Variants in FTO observed in about 807,000 individuals in gnomAD.
FTO encodes alpha-ketoglutarate-dependent dioxygenase FTO.
Under a neutral mutation model 63.9 loss-of-function variants are expected in FTO, and 47 were observed. That is an observed-to-expected ratio of 0.74 (90% confidence interval 0.58 to 0.94). The LOEUF (loss-of-function observed/expected upper bound fraction) is 0.94, where lower values mean the gene tolerates loss of function less well. Among genes scored for constraint, FTO ranks in the 40% least tolerant of loss-of-function variants. FTO has a pLI of 0.00. For missense variants in FTO, 562 were observed against 618.1 expected, an observed-to-expected ratio of 0.91 and a Z score of 0.96; for synonymous variants, 207 against 224.4, an observed-to-expected ratio of 0.92 and a Z score of 0.69.
intron 8 of FTO, among the ~76,000 whole-genome samples, chr16:54,093,615 A>C (rs570019628): frequency 6.6e-6 from 1 of 152,286 alleles, no homozygotes; most frequent in South Asian, 2.1e-4. Context: ...TGGAAAGGTG[A>C]CTTGTAACAG....
chr16:53,845,581 G>C (rs2079595794), intron 4 of FTO, among the ~76,000 whole-genome samples: 1 of 152,148 alleles, frequency 6.6e-6, no homozygotes, highest in South Asian at 2.1e-4. Flanking sequence ...TATTTTAAAA[G>C]GAGATTTTAC....
intron 4 of FTO, among the ~76,000 whole-genome samples, chr16:53,845,666 C>T (rs567886817): frequency 7.2e-5 from 11 of 152,056 alleles, no homozygotes; most frequent in African/African-American, 2.7e-4. Flanking sequence ...TATAGAGAAA[C>T]CAAAACAGTA....
chr16:53,842,332 C>CT (rs2079501162), intron 3 of FTO, among the ~76,000 whole-genome samples: 1 of 152,204 alleles, frequency 6.6e-6, no homozygotes, highest in Non-Finnish European at 1.5e-5. Context: ...GGGCATAGCT[C>CT]TTTGTTTCAG....
At chr16:54,075,189 A>G (rs971604435) in intron 8 of FTO, among the ~76,000 whole-genome samples, 2 of 152,048 alleles carry the variant, frequency 1.3e-5, no homozygotes, top group Admixed American at 6.6e-5. Flanking sequence ...GCCCTTTTTC[A>G]TAGAAGATCA....
chr16:53,708,282 C>T (rs908439922), intron 1 of FTO, among the ~76,000 whole-genome samples: 5 of 152,036 alleles, frequency 3.3e-5, no homozygotes, highest in Non-Finnish European at 7.4e-5. Flanking sequence ...ATGAGAATCA[C>T]CTAACCTGGA....
intron 8 of FTO, among the ~76,000 whole-genome samples, chr16:54,055,173 G>A (rs1420079452): frequency 6.6e-6 from 1 of 152,204 alleles, no homozygotes; most frequent in Admixed American, 6.5e-5. Flanking sequence ...AATACTGGGT[G>A]GAACTGGTGC....
At chr16:53,808,780 G>T (rs1048442875) in intron 1 of FTO, among the ~76,000 whole-genome samples, 11 of 152,274 alleles carry the variant, frequency 7.2e-5, no homozygotes, top group African/African-American at 2.6e-4. Flanking sequence ...GGACTATATC[G>T]GCCCAGAGCA....
chr16:53,965,273 A>G (rs1350511869), intron 8 of FTO, among the ~76,000 whole-genome samples: 1 of 152,088 alleles, frequency 6.6e-6, no homozygotes, highest in Non-Finnish European at 1.5e-5. Context: ...ACGGGGTTTC[A>G]CCATATTGGC....
chr16:53,998,978 C>A (rs1437404647), intron 8 of FTO, among the ~76,000 whole-genome samples: 1 of 152,156 alleles, frequency 6.6e-6, no homozygotes, highest in South Asian at 2.1e-4. Flanking sequence ...AAGAAAGTAA[C>A]CCTTTCCCTC....
chr16:53,735,203 C>G (rs1052201420), intron 1 of FTO, among the ~76,000 whole-genome samples: 8 of 152,182 alleles, frequency 5.3e-5, no homozygotes, highest in Non-Finnish European at 1.0e-4. Context: ...TAATATAACC[C>G]TTTGAGACAA....
chr16:54,111,188 G>T (rs2086876840), intron 8 of FTO, among the ~76,000 whole-genome samples: 1 of 152,174 alleles, frequency 6.6e-6, no homozygotes, highest in Non-Finnish European at 1.5e-5. Flanking sequence ...CAGTGGAAAT[G>T]ATTATTAACC....
intron 8 of FTO, among the ~76,000 whole-genome samples, chr16:54,004,296 G>C (rs185279876): frequency 1.8e-4 from 28 of 152,052 alleles, no homozygotes; most frequent in South Asian, 2.1e-4. Flanking sequence ...AGAGGCGGAG[G>C]GGGGAGGATC....
chr16:53,950,904 C>T (rs1250074140), intron 8 of FTO, among the ~76,000 whole-genome samples: 7 of 152,156 alleles, frequency 4.6e-5, no homozygotes, highest in African/African-American at 1.4e-4. Context: ...GACTCAGGTG[C>T]GGTGCACCTA....
At chr16:54,092,715 C>T (rs1567566946) in intron 8 of FTO, among the ~76,000 whole-genome samples, 1 of 152,208 alleles carries the variant, frequency 6.6e-6, no homozygotes, top group Non-Finnish European at 1.5e-5. Flanking sequence ...TTCCCAGACG[C>T]TTACATGAGA....
rs551093705 is a variant in FTO at position 54,071,086 on chromosome 16, A to T, written c.1365-40676A>T. The T allele has an allele frequency of 7.9e-5, 12 of 152,386 alleles. No individual in the cohort carries two copies. In the East Asian group the frequency reaches 2.3e-3, roughly 29 times the overall value. 9.4% of individuals were successfully genotyped at this position (152,386 alleles called of 1,614,324 possible). A position where few individuals can be genotyped will look rare whatever the true frequency, so the allele number is the denominator to read the frequency against. ...TATGCATTTGAAATAGCTCAGTCTC[A>T]TGGCAGCCAGTACAGGCCAATTTAT... On this transcript the variant is annotated intron_variant, in intron 8 of 8. Coordinates refer to ENST00000471389, the MANE Select transcript of FTO (RefSeq NM_001080432.3).
At chr16:53,927,133 A>G (rs2082163627) in intron 7 of FTO, among the ~76,000 whole-genome samples, 1 of 152,218 alleles carries the variant, frequency 6.6e-6, no homozygotes, top group Admixed American at 6.5e-5. Flanking sequence ...GGTGAGATGG[A>G]CACAGACAGA....
At chr16:53,959,250 C>G (rs1261643409) in intron 8 of FTO, among the ~76,000 whole-genome samples, 1 of 152,120 alleles carries the variant, frequency 6.6e-6, no homozygotes, top group Admixed American at 6.5e-5. Flanking sequence ...AGAGCCCATG[C>G]TCTAGGCCAG....
intron 1 of FTO, among the ~76,000 whole-genome samples, chr16:53,783,104 C>G (rs185633659): frequency 1.3e-5 from 2 of 152,176 alleles, no homozygotes; most frequent in Non-Finnish European, 2.9e-5. Flanking sequence ...ATATGGTGCT[C>G]AGCTTCAAGG....
intron 8 of FTO, among the ~76,000 whole-genome samples, chr16:54,073,024 T>G (rs74019723): frequency 0.016 from 2,404 of 152,278 alleles, 73 homozygotes; most frequent in African/African-American, 0.055. Context: ...TAGGCTGTAG[T>G]TGGGTATTCT....
Sources: allele counts gnomAD v4.1 joint callset (sites outside exome capture counted in the v4.1 genomes callset), GRCh38; gene constraint gnomAD v4.1.1; transcripts MANE v1.5; gene names NCBI Gene and HGNC (gene_info 2026-07-23, HGNC 2026-07-21).